Variants in ZNF646 observed in about 807,000 individuals in gnomAD.
The protein encoded by ZNF646 is zinc finger protein 646.
ZNF646 carries 49 observed loss-of-function variants against 115.4 expected under a neutral mutation model. The ratio of observed to expected loss-of-function variants is 0.42; its 90% CI spans 0.34 to 0.54. The LOEUF (loss-of-function observed/expected upper bound fraction) is 0.54, where lower values mean the gene tolerates loss of function less well. ZNF646 is among the 20% of genes least tolerant of loss of function. ZNF646 has a pLI of 0.04. For missense variants in ZNF646, 2,269 were observed against 2,457.9 expected (o/e 0.92, Z 1.62); for synonymous variants, 933 against 939.0 (o/e 0.99, Z 0.12).
In ZNF646 at chr16:31,079,744, A is replaced by T. The variant is rs781656355; in HGVS notation, c.3420A>T (p.Ala1140=). ...EGGSNKPQHM[A]EEGPGQAEVE... The stretch of plus-strand genomic sequence containing the variant: ...GCAGCAACAAGCCCCAGCACATGGC[A>T]GAGGAGGGGCCGGGGCAAGCAGAAG... Residue 1140 remains alanine, a synonymous_variant, in exon 2 of 3, where the codon GCA becomes GCT. Coordinates refer to ENST00000300850, the MANE Select transcript of ZNF646 (RefSeq NM_014699.4). The surrounding 1 kb of genome is among the most constrained non-coding windows in gnomAD (Gnocchi z 5.5). The T allele has an allele frequency of 5.0e-6, 8 of 1,613,606 alleles. No homozygotes were observed. The highest frequency in any genetic ancestry group is 6.8e-6 in the Non-Finnish European group (8 of 1,179,966).
Position 31,078,573 on chromosome 16 carries a change from G to A in ZNF646, c.2249G>A (p.Gly750Asp). 1 of 1,610,376 alleles carries A rather than the reference G, an allele frequency of 6.2e-7. No homozygotes were observed. The highest frequency in any genetic ancestry group is 1.1e-5 in the South Asian group (1 of 90,710). ...GLERDETHFQ[G>D]DKESGGTGEG... ...GAGAGGGATGAGACCCATTTCCAGG[G>A]TGATAAAGAGAGCGGAGGCACTGGG... The change falls in exon 2 of 3, where the codon GGT becomes GAT. Residue 750 changes from glycine to aspartate, a missense_variant. Around this residue, in one of 5 missense-constraint regions of ZNF646, gnomAD observed 852 missense variants for 900.2 expected, o/e 0.95. Coordinates refer to ENST00000300850, the MANE Select transcript of ZNF646 (RefSeq NM_014699.4).
rs778969105 is a variant in ZNF646 at position 31,081,556 on chromosome 16, T to G, written c.5232T>G (p.Ala1744=). ...TCTGTGGCAAGGCCTTTCGGACAGC[T>G]GCCCGGCTGGAGGGCCACGGGCGGG... ...CSICGKAFRT[A]ARLEGHGRVH... Residue 1744 remains alanine, a synonymous_variant, in exon 2 of 3, where the codon GCT becomes GCG. Transcript: ENST00000300850. The G allele has an allele frequency of 3.3e-5, 53 of 1,613,692 alleles. No homozygotes were observed. The Admixed American group carries it at 8.8e-4, about 27-fold the overall frequency.
intron 1 of ZNF646, chr16:31,074,843 G>T (rs557967074): frequency 1.3e-5 from 2 of 152,454 alleles, no homozygotes; most frequent in East Asian, 3.9e-4. Flanking sequence ...TCCGGGGGCA[G>T]GTTCAGTGAA....
Position 31,080,250 on chromosome 16 carries a change from G to A in ZNF646, c.3926G>A (p.Arg1309His), listed in dbSNP as rs1260637314. 6 of 1,609,036 alleles carry A rather than the reference G, an allele frequency of 3.7e-6. No individual in the cohort carries two copies. The South Asian group carries it at 4.4e-5, about 12-fold the overall frequency. Residue 1309 changes from arginine to histidine, a missense_variant, in exon 2 of 3, where the codon CGC becomes CAC. Physicochemically the swap from Arg to His is conservative, Grantham distance 29 (BLOSUM62 0). This residue lies in a region of ZNF646 where 1,062 missense variants were observed against 1,172.8 expected (regional missense o/e 0.91). Coordinates refer to ENST00000300850, the MANE Select transcript of ZNF646 (RefSeq NM_014699.4). ...TGTGGGCAGTGCGGGCGGACCTATC[G>A]CCACGCCGGCAGCCTCCTGAACCAC... ...FRCGQCGRTY[R>H]HAGSLLNHRR...
rs1274511331 is a variant in ZNF646, at chr16:31,077,260, C to G, written c.936C>G (p.His312Gln). ...GGCTCCCCCGGGAGCTGCTGGAACA[C>G]CAGCAGTCCCATGAGGGTGAAAGGC... is the stretch of plus-strand genomic sequence containing the variant. ...VFRLPRELLE[H>Q]QQSHEGERQE... Residue 312 changes from histidine to glutamine, a missense_variant, in exon 2 of 3, where the codon CAC (histidine) becomes CAG (glutamine). His to Gln is a conservative substitution (Grantham distance 24). Around this residue, in one of 5 missense-constraint regions of ZNF646, gnomAD observed 852 missense variants for 900.2 expected, o/e 0.95. Coordinates refer to ENST00000300850, the MANE Select transcript of ZNF646 (RefSeq NM_014699.4). 1 of 1,614,000 alleles carries G rather than the reference C, an allele frequency of 6.2e-7. No individual in the cohort carries two copies. The highest frequency in any genetic ancestry group is 8.5e-7 in the Non-Finnish European group (1 of 1,180,046).
rs770532691 is a variant in ZNF646, at chr16:31,077,389, G to A, written c.1065G>A (p.Ala355=). 117 of 1,613,088 alleles carry A rather than the reference G, an allele frequency of 7.3e-5. 1 individual carries two copies. Among genetic ancestry groups the A allele is most frequent in the South Asian group, 2.4e-4 (22 of 91,060 alleles). The change falls in exon 2 of 3, where the codon GCG becomes GCA. Residue 355 remains alanine, a synonymous_variant. Coordinates refer to ENST00000300850, the MANE Select transcript of ZNF646 (RefSeq NM_014699.4). ...GTGCACAGATGCTGAATGGCTCTGC[G>A]GAGCTCAGCACCTCTGGGGAGCTGG... ...LPSAQMLNGS[A]ELSTSGELED...
In ZNF646 at chr16:31,081,297, G is replaced by C. The variant is rs1478517184; in HGVS notation, c.4973G>C (p.Arg1658Thr). 6 of 1,613,718 alleles carry C rather than the reference G, an allele frequency of 3.7e-6. No individual in the cohort carries two copies. The African/African-American group carries it at 8.0e-5, about 22-fold the overall frequency. Residue 1658 changes from arginine to threonine, a missense_variant, in exon 2 of 3, where the codon AGA (arginine) becomes ACA (threonine). By Grantham distance (71) the Arg-to-Thr change is moderately conservative. Transcript: ENST00000300850. ...TPRGPGESVE[R>T]ARGGQAVTSM... ...AGAGGCCCAGGAGAGAGTGTGGAGA[G>C]AGCCAGGGGAGGACAAGCGGTGACG...
At chr16:31,081,876 C>A in intron 2 of ZNF646, 175 bp downstream of exon 2, 2 of 1,122,036 alleles carry the variant, frequency 1.8e-6, no homozygotes, top group Non-Finnish European at 2.5e-6. Context: ...CTGAGCTGAG[C>A]ACCCGCAAGT....
At chr16:31,074,952 G>A (rs1000169971) in intron 1 of ZNF646, among the ~76,000 whole-genome samples, 1 of 152,154 alleles carries the variant, frequency 6.6e-6, no homozygotes, top group Admixed American at 6.5e-5. Context: ...GAGAGCAAGG[G>A]CTTTGGGATG....
chr16:31,076,179 T>C (rs1473198754), intron 1 of ZNF646, 67 bp from the exon 2 acceptor site: 1 of 1,117,030 alleles, frequency 9.0e-7, no homozygotes, highest in Non-Finnish European at 1.2e-6. Flanking sequence ...GGTGAACTTG[T>C]TGCTCGTAGA....
At position 31,076,943 on chromosome 16, in the gene ZNF646, C is replaced by T; in HGVS notation, c.619C>T (p.Leu207Phe). The T allele has an allele frequency of 6.2e-7, 1 of 1,614,130 alleles. No homozygotes were observed. The highest frequency in any genetic ancestry group is 8.5e-7 in the Non-Finnish European group (1 of 1,179,974). ...PPLPIPASSL[L>F]SNLEQYLAES... ...TCTCCCCATCCCAGCCAGCAGCCTT[C>T]TTAGCAACTTGGAACAGTATCTGGC... The change falls in exon 2 of 3, where the codon CTT (leucine) becomes TTT (phenylalanine). Residue 207 changes from leucine to phenylalanine, a missense_variant. By Grantham distance (22) the Leu-to-Phe change is conservative. Coordinates refer to ENST00000300850, the MANE Select transcript of ZNF646 (RefSeq NM_014699.4).
intron 2 of ZNF646, 103 bp downstream of exon 2, chr16:31,081,804 G>C (rs757327440): frequency 6.9e-7 from 1 of 1,443,008 alleles, no homozygotes; most frequent in South Asian, 1.5e-5. Flanking sequence ...AGAGAGCCCC[G>C]GGGATTCTAA....
At chr16:31,081,740 CAG>C in intron 2 of ZNF646, 39 bp downstream of exon 2, 1 of 1,527,016 alleles carries the variant, frequency 6.5e-7, no homozygotes, top group South Asian at 1.3e-5. Flanking sequence ...GGTGGGCACA[CAG>C]TGGAGGGGGA....
Position 31,079,159 on chromosome 16 carries a change from G to A in ZNF646, c.2835G>A (p.Gln945=). Residue 945 remains glutamine (Q), a synonymous_variant, in exon 2 of 3, where the codon CAG becomes CAA. Transcript: ENST00000300850. This position sits in a 1 kb window ranked among gnomAD's most constrained non-coding sequence, Gnocchi z 5.5. ...LSEAELLNQL[Q]REVEALDSAG... is the part of the protein sequence containing the mutation. Reference sequence around the variant, plus strand: ...AAGCAGAGCTGCTGAATCAGCTGCAGCGGGAGGTGGAAGCGCTGGACAGTG... The same window carrying A: ...AAGCAGAGCTGCTGAATCAGCTGCAACGGGAGGTGGAAGCGCTGGACAGTG... The A allele has an allele frequency of 6.2e-7, 1 of 1,610,218 alleles. No individual in the cohort carries two copies. Among genetic ancestry groups the A allele is most frequent in the Non-Finnish European group, 8.5e-7 (1 of 1,177,714 alleles).
At position 31,083,631 on chromosome 16, in the gene ZNF646, TG is replaced by T; in HGVS notation, c.*542del. ...CACCCCTGTCCTGCAGGGTGGGGAG[TG>T]GGCACCTGTGGCCCCAGGCAGGTTC... On this transcript the variant is annotated 3_prime_UTR_variant, in exon 3 of 3. Coordinates refer to ENST00000300850, the MANE Select transcript of ZNF646 (RefSeq NM_014699.4). 1 of 1,511,370 alleles carries T rather than the reference TG, an allele frequency of 6.6e-7. No individual in the cohort carries two copies. The highest frequency in any genetic ancestry group is 8.9e-7 in the Non-Finnish European group (1 of 1,125,274). The allele number at this position is 1,511,370 out of a possible 1,614,324, so 93.6% of individuals were successfully genotyped here.
Position 31,080,181 on chromosome 16 carries a change from G to T in ZNF646, c.3857G>T (p.Gly1286Val), listed in dbSNP as rs200150378. The T allele has an allele frequency of 7.5e-6, 12 of 1,610,138 alleles. No homozygotes were observed. Among genetic ancestry groups the T allele is most frequent in the African/African-American group, 1.3e-5 (1 of 74,826 alleles). ...CGGGTCCACATGGAACGGCGTGGGG[G>T]TGGGGGCACCCGAAAGGCGACTCGG... ...HQRVHMERRG[G>V]GGTRKATRED... is the part of the protein sequence containing the mutation. The change falls in exon 2 of 3, where the codon GGT (glycine) becomes GTT (valine). Residue 1286 changes from glycine (G) to valine (V), a missense_variant. This residue lies in a region of ZNF646 where 1,062 missense variants were observed against 1,172.8 expected (regional missense o/e 0.91). Coordinates refer to ENST00000300850, the MANE Select transcript of ZNF646 (RefSeq NM_014699.4).
Position 31,076,333 on chromosome 16 carries a change from C to T in ZNF646, c.9C>T (p.Asp3=), listed in dbSNP as rs1297308490. 1 of 1,608,678 alleles carries T rather than the reference C, an allele frequency of 6.2e-7. No homozygotes were observed. The highest frequency in any genetic ancestry group is 8.5e-7 in the Non-Finnish European group (1 of 1,176,582). ME[D]TPPSLSCSDC... ...TTCTGCTACGTTGCCCCATGGAGGA[C>T]ACACCCCCCTCACTCAGCTGCTCCG... The change falls in exon 2 of 3, where the codon GAC becomes GAT. Residue 3 remains aspartate, a synonymous_variant. Transcript: ENST00000300850.
chr16:31,083,804 G>T lies in ZNF646; in HGVS notation c.*712G>T. ...CAGGTCCCCTGTCAGCAGCTGGTTGGTTGGCCTGTGGGGAAGGAAGGAGGG... is the reference window on the plus strand; with the variant it reads ...CAGGTCCCCTGTCAGCAGCTGGTTGTTTGGCCTGTGGGGAAGGAAGGAGGG... On this transcript the variant is annotated 3_prime_UTR_variant, in exon 3 of 3. Coordinates refer to ENST00000300850, the MANE Select transcript of ZNF646 (RefSeq NM_014699.4). 6.2e-7 allele frequency: 1 copy of T among 1,614,072 alleles called. No homozygotes were observed. The highest frequency in any genetic ancestry group is 8.5e-7 in the Non-Finnish European group (1 of 1,179,926).
rs370922757 is a variant in ZNF646, at chr16:31,077,244, G to A, written c.920G>A (p.Arg307Gln). The change falls in exon 2 of 3, where the codon CGG (arginine) becomes CAG (glutamine). Residue 307 changes from arginine to glutamine, a missense_variant. Coordinates refer to ENST00000300850, the MANE Select transcript of ZNF646 (RefSeq NM_014699.4). ...PHCPRVFRLP[R>Q]ELLEHQQSHE... Reference sequence around the variant, plus strand: ...TGCCCCCGTGTCTTCCGGCTCCCCCGGGAGCTGCTGGAACACCAGCAGTCC... The same window carrying A: ...TGCCCCCGTGTCTTCCGGCTCCCCCAGGAGCTGCTGGAACACCAGCAGTCC... 21 of 1,613,962 alleles carry A rather than the reference G, an allele frequency of 1.3e-5. No individual in the cohort carries two copies. Among genetic ancestry groups the A allele is most frequent in the Admixed American group, 1.0e-4 (6 of 60,006 alleles).
Sources: gnomAD v4.1 joint callset for allele counts (sites outside exome capture counted in the v4.1 genomes callset) on GRCh38, gnomAD v4.1.1 for gene constraint, gnomAD v4.1.1 regional missense constraint, Gnocchi (gnomAD v3.1) non-coding constraint, MANE v1.5 for transcripts, NCBI Gene and HGNC (gene_info 2026-07-23, HGNC 2026-07-21) for gene names.